Variants in NAV2 observed in about 807,000 individuals in gnomAD.
The protein encoded by NAV2 is helicase, APC down-regulated 1.
Under a neutral mutation model 223.2 loss-of-function variants are expected in NAV2, and 54 were observed. The observed-to-expected ratio is 0.24, with a 90% CI of 0.19 to 0.30. The LOEUF (loss-of-function observed/expected upper bound fraction) is 0.30, where lower values mean the gene tolerates loss of function less well. NAV2 is among the 10% of genes least tolerant of loss of function. The pLI, the probability that NAV2 is intolerant of heterozygous loss-of-function variation, is 1.00. For synonymous variants in NAV2, 1,279 were observed against 1,239.3 expected (o/e 1.03, Z -0.67); for missense variants, 2,806 against 3,147.5 (o/e 0.89, Z 2.60).
intron 1 of NAV2, among the ~76,000 whole-genome samples, chr11:19,484,791 T>G (rs988334312): frequency 1.6e-4 from 25 of 152,036 alleles, no homozygotes; most frequent in African/African-American, 5.3e-4. Flanking sequence ...GACCCACAGG[T>G]GTAAGGGAAA....
chr11:19,900,199 C>T (rs1409207240), intron 6 of NAV2, among the ~76,000 whole-genome samples: 3 of 144,992 alleles, frequency 2.1e-5, no homozygotes, highest in South Asian at 2.2e-4. Flanking sequence ...ACCAGTTAGA[C>T]CACCTGTTGA....
chr11:19,548,224 A>G (rs998545731), intron 1 of NAV2, among the ~76,000 whole-genome samples: 1 of 152,268 alleles, frequency 6.6e-6, no homozygotes, highest in Non-Finnish European at 1.5e-5. Flanking sequence ...AAGAAAGGGC[A>G]TAACAATGAA....
In NAV2 at chr11:19,933,655, T is replaced by C; in HGVS notation, c.1411T>C (p.Phe471Leu). The change falls in exon 7 of 38, where the codon TTT becomes CTT. Residue 471 changes from phenylalanine to leucine, a missense_variant. Phe to Leu is a conservative substitution (Grantham distance 22). This residue lies in a region of NAV2 where 1,167 missense variants were observed against 1,180.5 expected (regional missense o/e 0.99). Transcript: ENST00000349880. The surrounding 1 kb of genome is among the most constrained non-coding windows in gnomAD (Gnocchi z 4.3). ...IALKGIAQRTFSRALTNKKSS... is the reference protein window; with the variant it reads ...IALKGIAQRTLSRALTNKKSS... ...ACTCAAGGGCATTGCCCAGAGGACTTTTAGCCGGGCACTGACCAACAAGAA... is the reference window on the plus strand; with the variant it reads ...ACTCAAGGGCATTGCCCAGAGGACTCTTAGCCGGGCACTGACCAACAAGAA... 1.2e-6 allele frequency: 2 copies of C among 1,614,134 alleles called. No individual in the cohort carries two copies. Among genetic ancestry groups the C allele is most frequent in the South Asian group, 2.2e-5 (2 of 91,074 alleles).
At chr11:19,839,485 A>G (rs2060403175) in intron 2 of NAV2, among the ~76,000 whole-genome samples, 1 of 152,186 alleles carries the variant, frequency 6.6e-6, no homozygotes, top group South Asian at 2.1e-4. Flanking sequence ...TTCCACCACC[A>G]TTTGGGCTGC....
intron 1 of NAV2, among the ~76,000 whole-genome samples, chr11:19,785,659 T>TTTTTTTTTTTTTTA (rs59684889): frequency 6.6e-6 from 1 of 151,916 alleles, no homozygotes; most frequent in South Asian, 2.1e-4. Context: ...TTTTTTTTTT[T>TTTTTTTTTTTTTTA]AAAGCACTAA....
At chr11:20,046,301 A>C (rs993271814) in intron 14 of NAV2, among the ~76,000 whole-genome samples, 1 of 149,930 alleles carries the variant, frequency 6.7e-6, no homozygotes, top group Non-Finnish European at 1.5e-5. Context: ...ACACCACTGC[A>C]CTCCAGCCTG....
intron 1 of NAV2, among the ~76,000 whole-genome samples, chr11:19,608,705 T>C (rs1316466009): frequency 6.6e-6 from 1 of 152,250 alleles, no homozygotes; most frequent in East Asian, 1.9e-4. Flanking sequence ...TCCTTCCCTT[T>C]CTTTTGGAGC....
intron 8 of NAV2, among the ~76,000 whole-genome samples, chr11:19,943,064 T>C (rs2046533937): frequency 6.6e-6 from 1 of 152,192 alleles, no homozygotes; most frequent in Admixed American, 6.5e-5. Flanking sequence ...GATAAGTAAA[T>C]ATGGCTATTA....
At chr11:20,061,502 G>A (rs1230510980) in intron 19 of NAV2, among the ~76,000 whole-genome samples, 2 of 151,614 alleles carry the variant, frequency 1.3e-5, no homozygotes, top group African/African-American at 4.9e-5. Flanking sequence ...TTGGGAGGCA[G>A]AGGTTGTGGT....
chr11:19,384,347 A>C (rs550909243), intron 1 of NAV2, among the ~76,000 whole-genome samples: 5 of 152,356 alleles, frequency 3.3e-5, no homozygotes, highest in South Asian at 2.1e-4. Flanking sequence ...TGAGTTATAA[A>C]AAGTTATTTT....
chr11:19,702,492 G>A (rs1346323607), intron 1 of NAV2, among the ~76,000 whole-genome samples: 3 of 152,104 alleles, frequency 2.0e-5, no homozygotes, highest in Non-Finnish European at 2.9e-5. Context: ...GGCTTAATAA[G>A]TGTCCTCTGA....
chr11:19,528,707 A>T (rs1413661100), intron 1 of NAV2, among the ~76,000 whole-genome samples: 1 of 152,174 alleles, frequency 6.6e-6, no homozygotes, highest in African/African-American at 2.4e-5. Context: ...TGAGATGGGC[A>T]GATCACGAGG....
intron 1 of NAV2, among the ~76,000 whole-genome samples, chr11:19,397,445 G>T (rs376966662): frequency 1.3e-5 from 2 of 151,554 alleles, no homozygotes; most frequent in Admixed American, 1.3e-4. Flanking sequence ...AGGGAATACT[G>T]TTCTTGTGTC....
At chr11:20,084,068 A>T (rs10766625) in intron 26 of NAV2, among the ~76,000 whole-genome samples, 39,366 of 152,106 alleles carry the variant, frequency 0.26, 5,606 homozygotes, top group East Asian at 0.6. Flanking sequence ...GAAACAGAGG[A>T]TAGTAGGGTT....
intron 1 of NAV2, among the ~76,000 whole-genome samples, chr11:19,403,821 G>A (rs1295346593): frequency 6.6e-6 from 1 of 152,152 alleles, no homozygotes; most frequent in Non-Finnish European, 1.5e-5. Context: ...ATCGAGTGTG[G>A]GGTTAGGGGA....
intron 1 of NAV2, among the ~76,000 whole-genome samples, chr11:19,588,323 A>G (rs189868799): frequency 1.3e-5 from 2 of 152,276 alleles, no homozygotes; most frequent in East Asian, 3.9e-4. Flanking sequence ...AGTATCCAAA[A>G]CAATCTGGTG....
intron 1 of NAV2, among the ~76,000 whole-genome samples, chr11:19,441,627 T>C (rs1171659086): frequency 6.6e-6 from 1 of 152,252 alleles, no homozygotes; most frequent in Non-Finnish European, 1.5e-5. Context: ...TGGGCACTTG[T>C]AAGTGGGCTG....
At position 19,932,762 on chromosome 11, in the gene NAV2, T is replaced by C. The variant is rs112762119; in HGVS notation, c.932-414T>C. Among the ~76,000 whole-genome samples, 1,448 of 152,360 alleles carry C rather than the reference T, an allele frequency of 9.5e-3. 25 individuals are homozygous for C. Among genetic ancestry groups the C allele is most frequent in the African/African-American group, 0.033 (1,389 of 41,576 alleles). On this transcript the variant is annotated intron_variant, in intron 6 of 37. Coordinates refer to ENST00000349880, the MANE Select transcript of NAV2 (RefSeq NM_145117.5). ...TATTTTTGTAATTGTTGTATTTTAA[T>C]GTCTCTGATACATTGTTTGCTTAAA...
intron 1 of NAV2, among the ~76,000 whole-genome samples, chr11:19,635,106 T>A (rs930588235): frequency 2.6e-5 from 4 of 152,140 alleles, no homozygotes; most frequent in Non-Finnish European, 4.4e-5. Context: ...TTAGAATCTA[T>A]CACTTCTAGC....
Sources: allele counts gnomAD v4.1 joint callset (sites outside exome capture counted in the v4.1 genomes callset), GRCh38; gene constraint gnomAD v4.1.1; regional missense constraint gnomAD v4.1.1; non-coding constraint Gnocchi (gnomAD v3.1); transcripts MANE v1.5; gene names NCBI Gene and HGNC (gene_info 2026-07-23, HGNC 2026-07-21).